Variants in GALNT13 observed in about 807,000 individuals in gnomAD.
The protein encoded by GALNT13 is polypeptide N-acetylgalactosaminyltransferase 13.
In GALNT13, 28 loss-of-function variants were observed where a neutral mutation model predicts 64.2. That is an observed-to-expected ratio of 0.44 (90% CI 0.32 to 0.60). GALNT13 has a LOEUF of 0.60. GALNT13 is among the 20% of genes least tolerant of loss of function. The pLI, the probability that GALNT13 is intolerant of heterozygous loss-of-function variation, is 0.05. For synonymous variants in GALNT13, 214 were observed against 224.6 expected (o/e 0.95, Z 0.42); for missense variants, 577 against 669.8 (o/e 0.86, Z 1.53).
At chr2:154,026,453 G>A (rs1697970349) in intron 3 of GALNT13, among the ~76,000 whole-genome samples, 1 of 152,190 alleles carries the variant, frequency 6.6e-6, no homozygotes, top group Non-Finnish European at 1.5e-5. Context: ...GTCAGCTAGT[G>A]CTGCCATCAC....
chr2:154,105,950 A>G (rs1439532961), intron 3 of GALNT13, among the ~76,000 whole-genome samples: 1 of 152,220 alleles, frequency 6.6e-6, no homozygotes, highest in Non-Finnish European at 1.5e-5. Flanking sequence ...TCATATAATC[A>G]GTAAGTCAAG....
intron 7 of GALNT13, among the ~76,000 whole-genome samples, chr2:154,256,312 AG>A (rs1690371843): frequency 6.6e-6 from 1 of 152,196 alleles, no homozygotes; most frequent in South Asian, 2.1e-4. Context: ...AGAGAACCAA[AG>A]TTCCTAAGCT....
chr2:153,754,746 A>G, the GALNT13 span, among the ~76,000 whole-genome samples: 1 of 152,078 alleles, frequency 6.6e-6, no homozygotes. Flanking sequence ...GTTCAACCCT[A>G]GGACTCACCT....
chr2:153,132,823 T>G, the GALNT13 span, among the ~76,000 whole-genome samples: 1 of 152,122 alleles, frequency 6.6e-6, no homozygotes, highest in African/African-American at 2.4e-5. Context: ...CAGGCTCATG[T>G]GATTCTCCTA....
the GALNT13 span, among the ~76,000 whole-genome samples, chr2:153,247,680 C>T: frequency 5.5e-5 from 8 of 144,400 alleles, 1 homozygote; most frequent in African/African-American, 1.9e-4. Flanking sequence ...CAAACACATT[C>T]AAAAGCCAGC....
At chr2:153,731,779 A>G in the GALNT13 span, among the ~76,000 whole-genome samples, 1 of 151,898 alleles carries the variant, frequency 6.6e-6, no homozygotes, top group African/African-American at 2.4e-5. Context: ...TTTTTTCTGC[A>G]GTGCAGAGCT....
the GALNT13 span, among the ~76,000 whole-genome samples, chr2:153,297,380 G>A: frequency 2.4e-4 from 37 of 152,192 alleles, 1 homozygote; most frequent in East Asian, 6.2e-3. Context: ...TTTAAGACAC[G>A]AAAATGTGAA....
At chr2:153,632,374 A>G in the GALNT13 span, among the ~76,000 whole-genome samples, 3 of 152,176 alleles carry the variant, frequency 2.0e-5, no homozygotes, top group African/African-American at 7.2e-5. Context: ...GCTACTATTA[A>G]CTAAAGTCTA....
the GALNT13 span, among the ~76,000 whole-genome samples, chr2:153,168,297 T>C: frequency 6.6e-6 from 1 of 152,202 alleles, no homozygotes; most frequent in African/African-American, 2.4e-5. Context: ...TTCTACACAA[T>C]GCTTAACGTT....
chr2:154,246,615 T>A (rs1373541770), intron 7 of GALNT13, among the ~76,000 whole-genome samples: 1 of 152,122 alleles, frequency 6.6e-6, no homozygotes, highest in Non-Finnish European at 1.5e-5. Flanking sequence ...ATCTTCCTAC[T>A]TAAACACATT....
At chr2:153,236,940 G>T in the GALNT13 span, among the ~76,000 whole-genome samples, 1 of 152,094 alleles carries the variant, frequency 6.6e-6, no homozygotes, top group East Asian at 1.9e-4. Flanking sequence ...CCATTAAGAA[G>T]ATTTGTGATT....
the GALNT13 span, among the ~76,000 whole-genome samples, chr2:153,210,453 T>G: frequency 1.1e-4 from 17 of 152,316 alleles, no homozygotes; most frequent in Middle Eastern, 3.4e-3. Flanking sequence ...TGAATTACAT[T>G]AATTGATTAT....
At chr2:153,802,154 A>G in the GALNT13 span, among the ~76,000 whole-genome samples, 1 of 152,300 alleles carries the variant, frequency 6.6e-6, no homozygotes, top group Admixed American at 6.5e-5. Flanking sequence ...CATGCCCTTA[A>G]GTTTTCTTAG....
the GALNT13 span, among the ~76,000 whole-genome samples, chr2:153,205,395 T>C: frequency 6.6e-6 from 1 of 152,112 alleles, no homozygotes; most frequent in African/African-American, 2.4e-5. Context: ...GCTGCTGAGA[T>C]AGTCGGTTTT....
the GALNT13 span, among the ~76,000 whole-genome samples, chr2:153,739,930 G>T: frequency 6.6e-6 from 1 of 151,680 alleles, no homozygotes; most frequent in East Asian, 1.9e-4. Flanking sequence ...ATATTTAATA[G>T]AACTCACCAA....
chr2:153,271,221 G>A, the GALNT13 span, among the ~76,000 whole-genome samples: 5 of 152,148 alleles, frequency 3.3e-5, no homozygotes, highest in African/African-American at 1.2e-4. Context: ...AGACAAAGAT[G>A]CCCTCTCTCA....
At chr2:154,145,116 A>ATATATATATATATG (rs1383133706) in intron 4 of GALNT13, among the ~76,000 whole-genome samples, 12 of 143,338 alleles carry the variant, frequency 8.4e-5, no homozygotes, top group African/African-American at 2.7e-4. Flanking sequence ...ATATATATAT[A>ATATATATATATATG]TATACACACA....
At chr2:153,744,708 C>T in the GALNT13 span, among the ~76,000 whole-genome samples, 2 of 152,058 alleles carry the variant, frequency 1.3e-5, no homozygotes, top group African/African-American at 2.4e-5. Flanking sequence ...TTTAAAATTT[C>T]TGCCTTCTTC....
At chr2:154,206,046 G>A (rs1687428396) in intron 4 of GALNT13, among the ~76,000 whole-genome samples, 2 of 151,856 alleles carry the variant, frequency 1.3e-5, no homozygotes, top group South Asian at 2.1e-4. Flanking sequence ...CACCCAGGTG[G>A]GAGTGCAGTG....
Sources: allele counts gnomAD v4.1 joint callset (sites outside exome capture counted in the v4.1 genomes callset), GRCh38; gene constraint gnomAD v4.1.1; transcripts MANE v1.5; gene names NCBI Gene and HGNC (gene_info 2026-07-23, HGNC 2026-07-21).